USP42: variants seen among roughly 807,000 people sequenced by gnomAD.
USP42 encodes ubiquitin specific peptidase 42, also known as ubiquitin carboxyl-terminal hydrolase 42.
Under a neutral mutation model 113.0 loss-of-function variants are expected in USP42, and 23 were observed. That is an observed-to-expected ratio of 0.20 (90% CI 0.15 to 0.29). The LOEUF (loss-of-function observed/expected upper bound fraction) is 0.29, where lower values mean the gene tolerates loss of function less well. Among genes scored for constraint, USP42 ranks in the 10% least tolerant of loss-of-function variants. The probability of loss-of-function intolerance (pLI) is 1.00; values close to 1 mark genes in which losing one functional copy is unlikely to be tolerated. For missense variants in USP42, 2,174 were observed against 1,779.8 expected (o/e 1.22, Z -3.99); for synonymous variants, 933 against 699.0 (o/e 1.33, Z -5.28).
chr7:6,119,957 C>CT lies in USP42; in HGVS notation c.442+4441dup, dbSNP rs533582543. Among the ~76,000 whole-genome samples the CT allele has an allele frequency of 1.6e-4, 25 of 152,192 alleles. No homozygotes were observed. In the South Asian group the frequency reaches 5.2e-3, roughly 32 times the overall value. ...GCTTAAGCGGTTCTCTTGCCTCAGC[C>CT]TTTTTTTGTTTTTGTTTTTGTTTTT... On this transcript the variant is annotated intron_variant, in intron 3 of 17. Coordinates refer to ENST00000306177, the MANE Select transcript of USP42 (RefSeq NM_032172.3).
At chr7:6,101,153 T>C (rs1790116755), upstream of USP42, among the ~76,000 whole-genome samples, 1 of 151,012 alleles carries the variant, frequency 6.6e-6, no homozygotes, top group Admixed American at 6.6e-5. Context: ...CCCCTTCAGC[T>C]AAGAACAGCC....
At chr7:6,147,693 A>C in intron 11 of USP42, 46 bp from the exon 12 acceptor site, 1 of 1,522,784 alleles carries the variant, frequency 6.6e-7, no homozygotes, top group East Asian at 2.3e-5. Flanking sequence ...ATCTCTCCTA[A>C]GGAGGTGTCC....
intron 14 of USP42, among the ~76,000 whole-genome samples, chr7:6,151,198 T>TGAG (rs148854249): frequency 1.3e-5 from 2 of 152,306 alleles, no homozygotes; most frequent in African/African-American, 4.8e-5. Flanking sequence ...GGTGAGCCAG[T>TGAG]GAGTGAGTGC....
chr7:6,123,507 C>G (rs1780351293), intron 3 of USP42, among the ~76,000 whole-genome samples: 1 of 151,884 alleles, frequency 6.6e-6, no homozygotes, highest in South Asian at 2.1e-4. Context: ...ACTAAAAATA[C>G]AAATATTAGC....
chr7:6,097,608 C>T, the USP42 span, among the ~76,000 whole-genome samples: 34 of 146,106 alleles, frequency 2.3e-4, 2 homozygotes, highest in African/African-American at 8.6e-4. Context: ...TTTTTTTTTT[C>T]GAGACAGAGT....
chr7:6,119,329 C>G (rs1780086636), intron 3 of USP42, among the ~76,000 whole-genome samples: 1 of 152,072 alleles, frequency 6.6e-6, no homozygotes, highest in Non-Finnish European at 1.5e-5. Flanking sequence ...AAAAAATTCT[C>G]TGGGTGTGGC....
rs1781308313 is a variant in USP42, at chr7:6,139,023, ATTTTGGGGGGTACAAC to A, written c.554-66_554-51del. 5.1e-6 allele frequency: 5 copies of A among 987,008 alleles called. No individual in the cohort carries two copies. The highest frequency in any genetic ancestry group is 7.5e-6 in the Non-Finnish European group (5 of 663,652). The allele number at this position is 987,008 out of a possible 1,614,324, so 61.1% of individuals were successfully genotyped here. On this transcript the variant is annotated intron_variant, in intron 4 of 17. Transcript: ENST00000306177. This position sits in a 1 kb window ranked among gnomAD's most constrained non-coding sequence, Gnocchi z 4.5. ...CAACCAACATATTATTATAAGATAT[ATTTTGGGGGGTACAAC>A]TTAGGCTTATTACGTGTAATGATAA...
the USP42 span, among the ~76,000 whole-genome samples, chr7:6,087,927 C>G: frequency 5.6e-4 from 85 of 151,224 alleles, 9 homozygotes; most frequent in African/African-American, 1.5e-3. Context: ...GTGTTGCAAA[C>G]AGTAAATGAG....
chr7:6,113,663 C>T (rs1779724248), intron 2 of USP42, among the ~76,000 whole-genome samples: 1 of 151,988 alleles, frequency 6.6e-6, no homozygotes, highest in South Asian at 2.1e-4. Flanking sequence ...TCTCTGTCGC[C>T]CAGGCTGGAG....
Position 6,150,291 on chromosome 7 carries a change from C to A in USP42, c.2095C>A (p.Leu699Ile), listed in dbSNP as rs1263191891. Residue 699 changes from leucine to isoleucine, a missense_variant, in exon 13 of 18, where the codon CTT (leucine) becomes ATT (isoleucine). Coordinates refer to ENST00000306177, the MANE Select transcript of USP42 (RefSeq NM_032172.3). Reference protein sequence around the residue: ...SENPFAKANGLPGKLMPAPLL... With the variant: ...SENPFAKANGIPGKLMPAPLL... ...AAATCCCTTTGCTAAGGCAAACGGTCTTCCTGGAAAGGTGAGTGCACGTCA... is the reference window on the plus strand; with the variant it reads ...AAATCCCTTTGCTAAGGCAAACGGTATTCCTGGAAAGGTGAGTGCACGTCA... 6.2e-7 allele frequency: 1 copy of A among 1,612,878 alleles called. No homozygotes were observed. The highest frequency in any genetic ancestry group is 8.5e-7 in the Non-Finnish European group (1 of 1,179,550).
Position 6,139,417 on chromosome 7 carries a change from GAT to G in USP42, c.656+224_656+225del, listed in dbSNP as rs1781327675. 2.4e-6 allele frequency: 1 copy of G among 419,742 alleles called. No homozygotes were observed. The highest frequency in any genetic ancestry group is 4.9e-5 in the South Asian group (1 of 20,616). The allele number at this position is 419,742 out of a possible 1,614,324, so 26.0% of individuals were successfully genotyped here. Reference sequence around the variant, plus strand: ...AACAGTTTGAGTTGGCTCAATCATAGATGTCAGGAAATAAACATTGGTCTTGC... The same window carrying G: ...AACAGTTTGAGTTGGCTCAATCATAGGTCAGGAAATAAACATTGGTCTTGC... On this transcript the variant is annotated intron_variant, in intron 5 of 17. Coordinates refer to ENST00000306177, the MANE Select transcript of USP42 (RefSeq NM_032172.3). This position sits in a 1 kb window ranked among gnomAD's most constrained non-coding sequence, Gnocchi z 4.5.
chr7:6,145,496 C>T lies in USP42; in HGVS notation c.991-20C>T, dbSNP rs1222852622. On this transcript the variant is annotated intron_variant, in intron 9 of 17. Coordinates refer to ENST00000306177, the MANE Select transcript of USP42 (RefSeq NM_032172.3). ...ATCTGTGCCCTCGGAAATGTTTCTC[C>T]TGTTTCCATTTCCTTCTAGGATGTG... 1.2e-6 allele frequency: 2 copies of T among 1,613,642 alleles called. No homozygotes were observed. The highest frequency in any genetic ancestry group is 4.5e-5 in the East Asian group (2 of 44,884).
chr7:6,154,621 C>A lies in USP42; in HGVS notation c.3067C>A (p.Arg1023=), dbSNP rs777117298. The A allele has an allele frequency of 1.9e-6, 3 of 1,597,794 alleles. No homozygotes were observed. The highest frequency in any genetic ancestry group is 2.6e-6 in the Non-Finnish European group (3 of 1,173,780). ...SLGRCSHHHS[R]HRSGVELDWV... ...GGGCAGGTGCAGTCACCACCACTCC[C>A]GACACCGGAGCGGGGTGGAGCTGGA... The change falls in exon 15 of 18, where the codon CGA becomes AGA. Residue 1023 remains arginine, a synonymous_variant. Transcript: ENST00000306177.
intron 2 of USP42, among the ~76,000 whole-genome samples, chr7:6,114,057 A>G (rs1779747136): frequency 6.6e-6 from 1 of 152,206 alleles, no homozygotes; most frequent in South Asian, 2.1e-4. Context: ...ATACTTAGTT[A>G]TTAGTAATCT....
At chr7:6,094,809 T>G in the USP42 span, among the ~76,000 whole-genome samples, 1 of 119,526 alleles carries the variant, frequency 8.4e-6, no homozygotes, top group African/African-American at 3.7e-5. Flanking sequence ...TCCACTTGGC[T>G]TTTTTTTTTT....
chr7:6,125,885 G>A (rs1187075573), intron 3 of USP42, among the ~76,000 whole-genome samples: 1 of 151,144 alleles, frequency 6.6e-6, no homozygotes, highest in African/African-American at 2.4e-5. Context: ...TTTATTTGTG[G>A]TAACTAGATT....
In USP42 at chr7:6,154,381, G is replaced by A. The variant is rs1361278072; in HGVS notation, c.2827G>A (p.Gly943Ser). ...CCCTTCCCCAGCGAAGGAGAAAATCGGCAGCCTCAGAAAGGTGGACCGAGG... is the reference window on the plus strand; with the variant it reads ...CCCTTCCCCAGCGAAGGAGAAAATCAGCAGCCTCAGAAAGGTGGACCGAGG... ...PGPSPAKEKIGSLRKVDRGHY... is the reference protein window; with the variant it reads ...PGPSPAKEKISSLRKVDRGHY... The change falls in exon 15 of 18, where the codon GGC (glycine) becomes AGC (serine). Residue 943 changes from glycine (G) to serine (S), a missense_variant. By Grantham distance (56) the Gly-to-Ser change is moderately conservative (BLOSUM62 0). Coordinates refer to ENST00000306177, the MANE Select transcript of USP42 (RefSeq NM_032172.3). The A allele has an allele frequency of 5.1e-6, 8 of 1,576,250 alleles. No individual in the cohort carries two copies. The highest frequency in any genetic ancestry group is 2.4e-5 in the East Asian group (1 of 42,382).
chr7:6,089,525 CCTGA>C, the USP42 span, among the ~76,000 whole-genome samples: 1 of 150,068 alleles, frequency 6.7e-6, no homozygotes, highest in Non-Finnish European at 1.5e-5. Context: ...CCCTGCTTCA[CCTGA>C]CTTTCTCTTT....
At chr7:6,135,756 G>C (rs192175665) in intron 3 of USP42, 85 bp from the exon 4 acceptor site, 5 of 581,282 alleles carry the variant, frequency 8.6e-6, no homozygotes, top group Non-Finnish European at 1.4e-5. Context: ...TTCATTTCAG[G>C]TGTGTGCCCC....
Sources: allele counts gnomAD v4.1 joint callset (sites outside exome capture counted in the v4.1 genomes callset), GRCh38; gene constraint gnomAD v4.1.1; non-coding constraint Gnocchi (gnomAD v3.1); transcripts MANE v1.5; gene names NCBI Gene and HGNC (gene_info 2026-07-23, HGNC 2026-07-21).